SEPTIN9: variants seen among roughly 807,000 people sequenced by gnomAD.
The protein encoded by SEPTIN9 is septin-9.
SEPTIN9 carries 13 observed loss-of-function variants against 56.6 expected under a neutral mutation model. The observed-to-expected ratio is 0.23, with a 90% CI of 0.15 to 0.37. SEPTIN9 has a LOEUF of 0.37. SEPTIN9 is among the 10% of genes least tolerant of loss of function. SEPTIN9 has a pLI of 1.00. For synonymous variants in SEPTIN9, 332 were observed against 334.1 expected (o/e 0.99, Z 0.07); for missense variants, 650 against 823.1 (o/e 0.79, Z 2.57).
intron 4 of SEPTIN9, 23 bp downstream of exon 4, chr17:77,482,358 A>G (rs1175301022): frequency 6.2e-7 from 1 of 1,608,094 alleles, no homozygotes; most frequent in South Asian, 1.1e-5. Context: ...CTTGCATGCC[A>G]CTCAACCAAT....
intron 1 of SEPTIN9, among the ~76,000 whole-genome samples, chr17:77,282,174 A>C (rs1244511158): frequency 6.6e-6 from 1 of 152,246 alleles, no homozygotes; most frequent in East Asian, 1.9e-4. Context: ...GAGCCGGTTC[A>C]GGAGCTTTCA....
intron 3 of SEPTIN9, among the ~76,000 whole-genome samples, chr17:77,432,453 C>T (rs2037180786): frequency 6.6e-6 from 1 of 152,226 alleles, no homozygotes; most frequent in African/African-American, 2.4e-5. Context: ...CTGTGTCAGG[C>T]CTGGTGCTGA....
intron 1 of SEPTIN9, among the ~76,000 whole-genome samples, chr17:77,290,608 A>G (rs1440714600): frequency 4.0e-5 from 6 of 151,568 alleles, no homozygotes; most frequent in Non-Finnish European, 8.8e-5. Flanking sequence ...CGGGCAGATC[A>G]CAAGGTCAGA....
In SEPTIN9 at chr17:77,330,351, G is replaced by A. The variant is rs1486963554; in HGVS notation, c.76+23154G>A. Among the ~76,000 whole-genome samples, 1 of 152,190 alleles carries A rather than the reference G, an allele frequency of 6.6e-6. No individual in the cohort carries two copies. The highest frequency in any genetic ancestry group is 1.5e-5 in the Non-Finnish European group (1 of 68,014). On this transcript the variant is annotated intron_variant, in intron 2 of 11. Coordinates refer to ENST00000427177, the MANE Select transcript of SEPTIN9 (RefSeq NM_001113491.2). This position sits in a 1 kb window ranked among gnomAD's most constrained non-coding sequence, Gnocchi z 4.4. Reference sequence around the variant, plus strand: ...TCACGTGCTGGCTGTGGCCCTCAAGGTGTGGATGGCAGGAGGTGGTGAGAC... The same window carrying A: ...TCACGTGCTGGCTGTGGCCCTCAAGATGTGGATGGCAGGAGGTGGTGAGAC...
chr17:77,333,276 T>A (rs2033429945), intron 2 of SEPTIN9, among the ~76,000 whole-genome samples: 1 of 152,270 alleles, frequency 6.6e-6, no homozygotes, highest in Non-Finnish European at 1.5e-5. Context: ...TGAAATGTCT[T>A]TTCAAATCTG....
At chr17:77,416,153 T>C (rs2036498959) in intron 3 of SEPTIN9, among the ~76,000 whole-genome samples, 2 of 146,718 alleles carry the variant, frequency 1.4e-5, no homozygotes, top group Admixed American at 6.7e-5. Flanking sequence ...AAATATTGTT[T>C]GATTCCTGGA....
At chr17:77,365,876 C>T (rs951782222) in intron 2 of SEPTIN9, among the ~76,000 whole-genome samples, 1 of 152,120 alleles carries the variant, frequency 6.6e-6, no homozygotes. Flanking sequence ...TGCTTGAGTC[C>T]CTGTTGTTCC....
Position 77,310,090 on chromosome 17 carries a change from T to G in SEPTIN9, c.76+2893T>G, listed in dbSNP as rs2032432257. 6.6e-6 allele frequency among the ~76,000 whole-genome samples: 1 copy of G among 152,150 alleles called. No homozygotes were observed. Among genetic ancestry groups the G allele is most frequent in the Admixed American group, 6.5e-5 (1 of 15,268 alleles). On this transcript the variant is annotated intron_variant, in intron 2 of 11. Transcript: ENST00000427177. This position sits in a 1 kb window ranked among gnomAD's most constrained non-coding sequence, Gnocchi z 4.7. ...GCCTCCTGGGTTCAAGCGATTCTTC[T>G]GCCTCAGCCTCCTCAGTAGCCAGGA...
chr17:77,380,245 A>T (rs967292275), intron 2 of SEPTIN9: 1 of 2,444 alleles, frequency 4.1e-4, no homozygotes, highest in Admixed American at 7.6e-3. Context: ...CCGGGACCAT[A>T]AACAGTGAGG....
Position 77,327,737 on chromosome 17 carries a change from CTT to C in SEPTIN9, c.76+20548_76+20549del, listed in dbSNP as rs932219102. 8.5e-6 allele frequency among the ~76,000 whole-genome samples: 1 copy of C among 117,142 alleles called. No individual in the cohort carries two copies. Among genetic ancestry groups the C allele is most frequent in the Non-Finnish European group, 1.7e-5 (1 of 58,772 alleles). The allele number at this position is 117,142 out of a possible 152,430, so 76.8% of individuals were successfully genotyped here. On this transcript the variant is annotated intron_variant, in intron 2 of 11. Transcript: ENST00000427177. The surrounding 1 kb of genome is among the most constrained non-coding windows in gnomAD (Gnocchi z 5.0). ...CCTCCATCCGTGGAGCCACCCTCCT[CTT>C]TTTTTTTCTAAATGGGGAAACTCTG... is the stretch of plus-strand genomic sequence containing the variant.
rs899747413 is a variant in SEPTIN9, at chr17:77,450,216, G to A, written c.722-31928G>A. On this transcript the variant is annotated intron_variant, in intron 3 of 11. Transcript: ENST00000427177. This position sits in a 1 kb window ranked among gnomAD's most constrained non-coding sequence, Gnocchi z 6.0. Reference sequence around the variant, plus strand: ...GCCAGTGACTGCTGGCTGGGGAGCCGCTGGACGTGGCTGGCCTGTTTGGCC... The same window carrying A: ...GCCAGTGACTGCTGGCTGGGGAGCCACTGGACGTGGCTGGCCTGTTTGGCC... Among the ~76,000 whole-genome samples the A allele has an allele frequency of 1.3e-5, 2 of 152,166 alleles. No individual in the cohort carries two copies. The highest frequency in any genetic ancestry group is 1.3e-4 in the Admixed American group (2 of 15,290).
At chr17:77,409,751 G>A (rs2036223901) in intron 3 of SEPTIN9, among the ~76,000 whole-genome samples, 1 of 152,212 alleles carries the variant, frequency 6.6e-6, no homozygotes. Context: ...TTGAGGGTCT[G>A]CACAATGGCG....
chr17:77,388,240 G>A (rs1488720461), intron 2 of SEPTIN9, among the ~76,000 whole-genome samples: 1 of 152,122 alleles, frequency 6.6e-6, no homozygotes, highest in Non-Finnish European at 1.5e-5. Context: ...GGCTGAGTCC[G>A]AGAGTCCCCT....
Position 77,468,134 on chromosome 17 carries a change from G to A in SEPTIN9, c.722-14010G>A, listed in dbSNP as rs183583362. On this transcript the variant is annotated intron_variant, in intron 3 of 11. Transcript: ENST00000427177. ...TAAAAAATTAGCCGGGCGTGGTGGC[G>A]GGCGCCTGTAATCCCAGCTACTCAG... Among the ~76,000 whole-genome samples the A allele has an allele frequency of 2.7e-3, 415 of 152,186 alleles. 5 individuals carry two copies. Among genetic ancestry groups the A allele is most frequent in the Non-Finnish European group, 7.1e-4 (48 of 68,012 alleles).
At chr17:77,386,783 G>A (rs2035351605) in intron 2 of SEPTIN9, among the ~76,000 whole-genome samples, 1 of 152,154 alleles carries the variant, frequency 6.6e-6, no homozygotes, top group Non-Finnish European at 1.5e-5. Flanking sequence ...GCATAGGGGA[G>A]ACACTTTACA....
intron 2 of SEPTIN9, among the ~76,000 whole-genome samples, chr17:77,368,982 C>G (rs1488185252): frequency 6.6e-6 from 1 of 152,214 alleles, no homozygotes; most frequent in Non-Finnish European, 1.5e-5. Context: ...TGGCTCATGC[C>G]TGTAATCCCA....
chr17:77,488,465 C>A, intron 6 of SEPTIN9, 144 bp downstream of exon 6: 1 of 860,480 alleles, frequency 1.2e-6, no homozygotes, highest in Non-Finnish European at 1.9e-6. Context: ...AGCCGCACGT[C>A]TCAGGGGCCT....
At chr17:77,448,835 G>C (rs192653998) in intron 3 of SEPTIN9, among the ~76,000 whole-genome samples, 4 of 151,516 alleles carry the variant, frequency 2.6e-5, no homozygotes, top group Middle Eastern at 3.4e-3. Context: ...CCAGGCTGGA[G>C]TGCAGTGGCA....
At chr17:77,368,555 A>ACC (rs2034635551) in intron 2 of SEPTIN9, among the ~76,000 whole-genome samples, 2 of 152,056 alleles carry the variant, frequency 1.3e-5, no homozygotes, top group Admixed American at 1.3e-4. Context: ...CAGGTGATCC[A>ACC]CCCACCTTGG....
Sources: gnomAD v4.1 joint callset for allele counts (sites outside exome capture counted in the v4.1 genomes callset) on GRCh38, gnomAD v4.1.1 for gene constraint, Gnocchi (gnomAD v3.1) non-coding constraint, MANE v1.5 for transcripts, NCBI Gene and HGNC (gene_info 2026-07-23, HGNC 2026-07-21) for gene names.